UBE2E2: variants seen among roughly 807,000 people sequenced by gnomAD.
The protein encoded by UBE2E2 is ubiquitin-conjugating enzyme E2 E2.
A neutral mutation model predicts 24.7 loss-of-function variants in UBE2E2; 6 were observed. The ratio of observed to expected loss-of-function variants is 0.24; its 90% CI spans 0.13 to 0.48. The LOEUF is 0.48. Ranked by LOEUF, UBE2E2 falls within the 20% of genes least tolerant of loss-of-function variation. UBE2E2 has a pLI of 0.99. For missense variants in UBE2E2, 169 were observed against 245.0 expected (o/e 0.69, Z 2.07); for synonymous variants, 104 against 83.6 (o/e 1.24, Z -1.33).
intron 4 of UBE2E2, among the ~76,000 whole-genome samples, chr3:23,532,336 G>GT (rs1381254846): frequency 6.6e-6 from 1 of 152,094 alleles, no homozygotes; most frequent in African/African-American, 2.4e-5. Flanking sequence ...TGGTTTTGCT[G>GT]TTGATGTTTA....
At chr3:23,290,328 A>G (rs562939960) in intron 3 of UBE2E2, among the ~76,000 whole-genome samples, 2 of 152,298 alleles carry the variant, frequency 1.3e-5, no homozygotes, top group Admixed American at 1.3e-4. Flanking sequence ...CCTCTCTGCT[A>G]GTCTAGATCA....
At chr3:23,310,860 A>G (rs138542987) in intron 3 of UBE2E2, among the ~76,000 whole-genome samples, 40 of 152,222 alleles carry the variant, frequency 2.6e-4, no homozygotes, top group Non-Finnish European at 3.8e-4. Flanking sequence ...ACTGTGTAGC[A>G]TGATTTTTTT....
chr3:23,430,584 A>G (rs1008064544), intron 3 of UBE2E2, among the ~76,000 whole-genome samples: 5 of 152,040 alleles, frequency 3.3e-5, no homozygotes, highest in African/African-American at 1.2e-4. Context: ...ACTGAAGTGC[A>G]GTGGCATAAT....
rs1376576449 is a variant in UBE2E2, at chr3:23,571,583, C to T, written c.509-18151C>T. ...GATTACAGGCGTGAGCCATCACGCCCAGCCTGTGCTCCCTTCTTGATAGGA... is the reference window on the plus strand; with the variant it reads ...GATTACAGGCGTGAGCCATCACGCCTAGCCTGTGCTCCCTTCTTGATAGGA... On this transcript the variant is annotated intron_variant, in intron 5 of 5. Transcript: ENST00000396703. Among the ~76,000 whole-genome samples the T allele has an allele frequency of 2.6e-5, 4 of 152,012 alleles. No homozygotes were observed. The East Asian group carries it at 5.8e-4, about 22-fold the overall frequency.
At chr3:23,361,424 A>T (rs1696111035) in intron 3 of UBE2E2, among the ~76,000 whole-genome samples, 1 of 152,238 alleles carries the variant, frequency 6.6e-6, no homozygotes, top group Non-Finnish European at 1.5e-5. Flanking sequence ...TTATGGAACC[A>T]AGCTAAGTGC....
chr3:23,556,602 G>A (rs1695794195), intron 5 of UBE2E2, among the ~76,000 whole-genome samples: 1 of 151,968 alleles, frequency 6.6e-6, no homozygotes, highest in Non-Finnish European at 1.5e-5. Context: ...GTGGACATTT[G>A]TTAAGTCCTC....
chr3:23,494,413 A>G (rs1324229297), intron 3 of UBE2E2, among the ~76,000 whole-genome samples: 2 of 152,234 alleles, frequency 1.3e-5, no homozygotes, highest in Non-Finnish European at 2.9e-5. Context: ...AAAATTATTA[A>G]TGAGCTATTT....
At chr3:23,328,383 G>T (rs1694963938) in intron 3 of UBE2E2, among the ~76,000 whole-genome samples, 1 of 152,082 alleles carries the variant, frequency 6.6e-6, no homozygotes, top group Non-Finnish European at 1.5e-5. Flanking sequence ...ACTTCAGTGT[G>T]GTATTCAGTG....
chr3:23,234,149 C>G (rs553599086), intron 3 of UBE2E2, among the ~76,000 whole-genome samples: 57 of 150,984 alleles, frequency 3.8e-4, no homozygotes, highest in Non-Finnish European at 7.7e-4. Context: ...GACAAAATCT[C>G]TGTACAGAGA....
intron 3 of UBE2E2, among the ~76,000 whole-genome samples, chr3:23,220,286 C>A (rs997486256): frequency 1.3e-5 from 2 of 152,034 alleles, no homozygotes; most frequent in African/African-American, 4.8e-5. Flanking sequence ...CTACATATTT[C>A]AGTTTTTTCT....
At chr3:23,343,603 T>C (rs1364817631) in intron 3 of UBE2E2, among the ~76,000 whole-genome samples, 3 of 152,176 alleles carry the variant, frequency 2.0e-5, no homozygotes, top group African/African-American at 7.2e-5. Flanking sequence ...AGTGAACATG[T>C]GTATTACTTT....
intron 3 of UBE2E2, among the ~76,000 whole-genome samples, chr3:23,396,932 A>G (rs375478954): frequency 6.6e-6 from 1 of 152,158 alleles, no homozygotes; most frequent in Non-Finnish European, 1.5e-5. Context: ...AAGGTGAACA[A>G]TAGAGTGTGA....
chr3:23,301,330 G>A (rs920757310), intron 3 of UBE2E2, among the ~76,000 whole-genome samples: 3 of 152,190 alleles, frequency 2.0e-5, no homozygotes, highest in Admixed American at 6.5e-5. Flanking sequence ...CTGGTGAGGA[G>A]CTGCGTTCCT....
chr3:23,253,227 T>C (rs1052960237), intron 3 of UBE2E2, among the ~76,000 whole-genome samples: 15 of 152,236 alleles, frequency 9.9e-5, no homozygotes, highest in African/African-American at 3.4e-4. Flanking sequence ...TTAAAAAGTA[T>C]GTCTTTGGTG....
At chr3:23,536,840 ATTC>A (rs547814209) in intron 5 of UBE2E2, among the ~76,000 whole-genome samples, 16 of 152,204 alleles carry the variant, frequency 1.1e-4, no homozygotes, top group Non-Finnish European at 2.2e-4. Context: ...TATGTTTGAA[ATTC>A]TTCTTAACTT....
At chr3:23,352,902 G>C (rs1230626732) in intron 3 of UBE2E2, among the ~76,000 whole-genome samples, 1 of 152,192 alleles carries the variant, frequency 6.6e-6, no homozygotes, top group African/African-American at 2.4e-5. Flanking sequence ...GCATCATCCT[G>C]ATACCAAAGC....
At chr3:23,553,678 T>A (rs187401745) in intron 5 of UBE2E2, among the ~76,000 whole-genome samples, 7 of 152,264 alleles carry the variant, frequency 4.6e-5, no homozygotes, top group Non-Finnish European at 7.4e-5. Flanking sequence ...ATCCATCTAA[T>A]AAATAAATTC....
At chr3:23,303,256 C>G (rs1425454649) in intron 3 of UBE2E2, among the ~76,000 whole-genome samples, 1 of 151,950 alleles carries the variant, frequency 6.6e-6, no homozygotes, top group Non-Finnish European at 1.5e-5. Context: ...CCCACTGATT[C>G]TACATTATAG....
chr3:23,350,033 CA>C (rs1457357887), intron 3 of UBE2E2, among the ~76,000 whole-genome samples: 1 of 152,194 alleles, frequency 6.6e-6, no homozygotes, highest in Non-Finnish European at 1.5e-5. Context: ...TCCTCTGAGA[CA>C]AAACTTCCAA....
Sources: gnomAD v4.1 joint callset for allele counts (sites outside exome capture counted in the v4.1 genomes callset) on GRCh38, gnomAD v4.1.1 for gene constraint, MANE v1.5 for transcripts, NCBI Gene and HGNC (gene_info 2026-07-23, HGNC 2026-07-21) for gene names.